DPH6: variants seen among roughly 807,000 people sequenced by gnomAD.
The protein encoded by DPH6 is diphthine--ammonia ligase.
A neutral mutation model predicts 38.2 loss-of-function variants in DPH6; 33 were observed. The observed-to-expected ratio is 0.86, with a 90% CI of 0.65 to 1.15. The LOEUF is 1.15. DPH6 is among the 50% of genes most tolerant of loss of function. The pLI is 0.00. For synonymous variants in DPH6, 108 were observed against 103.0 expected (o/e 1.05, Z -0.30); for missense variants, 325 against 320.0 (o/e 1.02, Z -0.12).
the DPH6 span, among the ~76,000 whole-genome samples, chr15:35,192,011 G>C: frequency 6.6e-6 from 1 of 152,132 alleles, no homozygotes; most frequent in Non-Finnish European, 1.5e-5. Context: ...TCAGTGATTG[G>C]CTTTCTGTGC....
At chr15:35,198,216 A>C in the DPH6 span, among the ~76,000 whole-genome samples, 5 of 152,080 alleles carry the variant, frequency 3.3e-5, no homozygotes, top group Admixed American at 6.5e-5. Context: ...CTATCAAATA[A>C]AGAATACTAG....
At chr15:35,336,696 G>A (rs1433583843) in intron 3 of DPH6, among the ~76,000 whole-genome samples, 1 of 152,162 alleles carries the variant, frequency 6.6e-6, no homozygotes, top group Non-Finnish European at 1.5e-5. Flanking sequence ...TGCATCCATT[G>A]AGATAATCAT....
intron 3 of DPH6, among the ~76,000 whole-genome samples, chr15:35,484,710 T>C (rs1406384221): frequency 6.6e-6 from 1 of 152,140 alleles, no homozygotes; most frequent in African/African-American, 2.4e-5. Context: ...TCACATCTTC[T>C]GTAAGTCTCG....
intron 3 of DPH6, among the ~76,000 whole-genome samples, chr15:35,269,613 T>G (rs1418813562): frequency 6.6e-6 from 1 of 151,316 alleles, no homozygotes; most frequent in East Asian, 2.0e-4. Flanking sequence ...ATTTTTTTTG[T>G]ACTTTTAGTA....
At chr15:35,492,133 G>A (rs2054491394) in intron 3 of DPH6, among the ~76,000 whole-genome samples, 7 of 152,020 alleles carry the variant, frequency 4.6e-5, no homozygotes, top group Admixed American at 2.6e-4. Context: ...GAGTGCTGAG[G>A]GCAGGAGAAG....
At chr15:35,148,722 C>T in the DPH6 span, among the ~76,000 whole-genome samples, 112 of 152,138 alleles carry the variant, frequency 7.4e-4, no homozygotes, top group Middle Eastern at 0.021. Flanking sequence ...CTCATTCAGC[C>T]CTTTATTCGA....
At chr15:35,167,437 TAA>T in the DPH6 span, among the ~76,000 whole-genome samples, 242 of 149,218 alleles carry the variant, frequency 1.6e-3, 2 homozygotes, top group African/African-American at 4.8e-3. Flanking sequence ...AACTTTCAAT[TAA>T]AAAAAAAATG....
intron 1 of DPH6, 22 bp downstream of exon 1, chr15:35,546,097 G>A: frequency 1.4e-6 from 2 of 1,385,028 alleles, no homozygotes; most frequent in African/African-American, 1.5e-5. Context: ...GGAGGAAGGA[G>A]GCGGCTCCAG....
chr15:35,499,915 C>G (rs911880284), intron 3 of DPH6, among the ~76,000 whole-genome samples: 1 of 152,106 alleles, frequency 6.6e-6, no homozygotes, highest in Non-Finnish European at 1.5e-5. Context: ...GTACCATTCC[C>G]GTAACAACCA....
At chr15:35,330,010 T>C (rs1180179717), downstream of DPH6, among the ~76,000 whole-genome samples, 1 of 152,164 alleles carries the variant, frequency 6.6e-6, no homozygotes, top group Non-Finnish European at 1.5e-5. Flanking sequence ...AAACAAATAC[T>C]AGAGAATTTT....
intron 3 of DPH6, among the ~76,000 whole-genome samples, chr15:35,354,699 A>G (rs2140897180): frequency 6.6e-6 from 1 of 152,158 alleles, no homozygotes; most frequent in African/African-American, 2.4e-5. Flanking sequence ...TTTATTGAGA[A>G]TTTTTGCATT....
At chr15:35,419,689 A>G (rs2053480791) in intron 5 of DPH6, among the ~76,000 whole-genome samples, 1 of 152,204 alleles carries the variant, frequency 6.6e-6, no homozygotes. Context: ...CGAAAACTGT[A>G]AAAAGGACAA....
rs1167481887 is a variant in DPH6 at position 35,381,910 on chromosome 15, T to C, written c.574A>G (p.Lys192Glu). 2 of 1,610,392 alleles carry C rather than the reference T, an allele frequency of 1.2e-6. No homozygotes were observed. The highest frequency in any genetic ancestry group is 1.7e-6 in the Non-Finnish European group (2 of 1,178,710). The change falls in exon 7 of 9, where the codon AAG becomes GAG. Residue 192 changes from lysine to glutamate, a missense_variant. By Grantham distance (56) the Lys-to-Glu change is moderately conservative (BLOSUM62 1). Transcript: ENST00000256538. ...QMEPYLIELSKKYGVHVCGEG... is the reference protein window; with the variant it reads ...QMEPYLIELSEKYGVHVCGEG... The stretch of plus-strand genomic sequence containing the variant: ...CCACAAACATGTACTCCATACTTCT[T>C]AGAAAGCTGAAAATAGGAAAACACA...
At chr15:35,159,191 C>T in the DPH6 span, among the ~76,000 whole-genome samples, 4 of 152,044 alleles carry the variant, frequency 2.6e-5, no homozygotes, top group Non-Finnish European at 5.9e-5. Context: ...AAAAGAATTA[C>T]TTTATCTTCT....
intron 7 of DPH6, among the ~76,000 whole-genome samples, chr15:35,377,348 C>T (rs1327530649): frequency 6.6e-6 from 1 of 151,978 alleles, no homozygotes. Flanking sequence ...TCCATCCATC[C>T]ATCATCTATC....
chr15:35,491,019 T>C (rs1028472958), intron 3 of DPH6, among the ~76,000 whole-genome samples: 5 of 152,092 alleles, frequency 3.3e-5, no homozygotes, highest in African/African-American at 4.8e-5. Context: ...TCTATTCCCA[T>C]GATAATAGCA....
At chr15:35,325,348 G>A (rs2052273633) in intron 3 of DPH6, among the ~76,000 whole-genome samples, 5 of 152,068 alleles carry the variant, frequency 3.3e-5, no homozygotes, top group Admixed American at 3.3e-4. Context: ...CTATAATTCA[G>A]ACACTGTGTT....
At chr15:35,301,855 T>G (rs1179304013) in intron 3 of DPH6, among the ~76,000 whole-genome samples, 1 of 152,074 alleles carries the variant, frequency 6.6e-6, no homozygotes, top group Non-Finnish European at 1.5e-5. Context: ...GTGCCTGTAA[T>G]CCCAGCCACT....
chr15:35,251,856 C>G (rs895083806), intron 3 of DPH6, among the ~76,000 whole-genome samples: 3 of 152,212 alleles, frequency 2.0e-5, no homozygotes, highest in African/African-American at 7.2e-5. Context: ...TAAATAATAA[C>G]AGGTCGGTGT....
Sources: allele counts gnomAD v4.1 joint callset (sites outside exome capture counted in the v4.1 genomes callset), GRCh38; gene constraint gnomAD v4.1.1; transcripts MANE v1.5; gene names NCBI Gene and HGNC (gene_info 2026-07-23, HGNC 2026-07-21).